Variants in PTPRR observed in about 807,000 individuals in gnomAD.
PTPRR encodes the protein receptor-type tyrosine-protein phosphatase R.
Under a neutral mutation model 77.2 loss-of-function variants are expected in PTPRR, and 38 were observed. That is an observed-to-expected ratio of 0.49 (90% CI 0.38 to 0.65). The LOEUF is 0.65. PTPRR is among the 30% of genes least tolerant of loss of function. The pLI is 0.00. For missense variants in PTPRR, 744 were observed against 799.2 expected, an observed-to-expected ratio of 0.93 and a Z score of 0.83; for synonymous variants, 299 against 283.1, an observed-to-expected ratio of 1.06 and a Z score of -0.57.
At chr12:70,812,671 C>T (rs11178436) in intron 2 of PTPRR, among the ~76,000 whole-genome samples, 24,799 of 152,142 alleles carry the variant, frequency 0.16, 2,765 homozygotes, top group African/African-American at 0.31. Flanking sequence ...GTGAACTCCG[C>T]TGGTAGCTTG....
chr12:70,691,726 G>A (rs576904003), intron 8 of PTPRR, among the ~76,000 whole-genome samples: 128 of 152,280 alleles, frequency 8.4e-4, no homozygotes, highest in South Asian at 2.9e-3. Context: ...CTGTGCATTT[G>A]AATGTTAGCA....
Position 70,701,180 on chromosome 12 carries a change from C to G in PTPRR, c.1151G>C (p.Arg384Thr). ...ASRILTRSQL[R>T]DVVASSHLLQ... ...TAAATGTGAACTTGCCACGACGTCCCTCAGCTGAGACCTTGTGAGAATTCG... is the reference window on the plus strand; with the variant it reads ...TAAATGTGAACTTGCCACGACGTCCGTCAGCTGAGACCTTGTGAGAATTCG... The change falls in exon 7 of 14, where the codon AGG becomes ACG. Residue 384 changes from arginine (R) to threonine (T), a missense_variant. Transcript: ENST00000283228. 6.2e-7 allele frequency: 1 copy of G among 1,613,938 alleles called. No individual in the cohort carries two copies. The highest frequency in any genetic ancestry group is 1.1e-5 in the South Asian group (1 of 91,076).
At chr12:70,883,598 A>G (rs531440863) in intron 2 of PTPRR, among the ~76,000 whole-genome samples, 120 of 152,282 alleles carry the variant, frequency 7.9e-4, no homozygotes, top group Non-Finnish European at 1.3e-3. Context: ...CAAGGACTAT[A>G]CTAAGTTAAA....
In PTPRR at chr12:70,892,909, T is replaced by G. The variant is rs776610066; in HGVS notation, c.127A>C (p.Ile43Leu). The part of the protein sequence containing the change: ...NQKKSGKPVF[I>L]YKHSQDIEKS... Reference sequence around the variant, plus strand: ...TCAATGTCTTGTGAATGCTTATAAATGAATACCGGCTTCCCACTCTTCTTC... The same window carrying G: ...TCAATGTCTTGTGAATGCTTATAAAGGAATACCGGCTTCCCACTCTTCTTC... The change falls in exon 2 of 14, where the codon ATT becomes CTT. Residue 43 changes from isoleucine to leucine, a missense_variant. Physicochemically the swap from Ile to Leu is conservative, Grantham distance 5. Coordinates refer to ENST00000283228, the MANE Select transcript of PTPRR (RefSeq NM_002849.4). The G allele has an allele frequency of 5.0e-6, 8 of 1,613,568 alleles. No homozygotes were observed. The South Asian group carries it at 8.8e-5, about 18-fold the overall frequency.
intron 2 of PTPRR, among the ~76,000 whole-genome samples, chr12:70,828,626 T>G (rs576339728): frequency 1.8e-4 from 27 of 152,340 alleles, no homozygotes; most frequent in South Asian, 4.1e-4. Flanking sequence ...TTTCTCAGTA[T>G]GTAGTACTTT....
intron 2 of PTPRR, among the ~76,000 whole-genome samples, chr12:70,875,607 G>A (rs542249907): frequency 7.3e-5 from 11 of 150,306 alleles, no homozygotes; most frequent in African/African-American, 1.2e-4. Flanking sequence ...AGTTAAATCC[G>A]CCTTGTAAGA....
chr12:70,688,402 T>G (rs950758598), intron 8 of PTPRR, among the ~76,000 whole-genome samples: 4 of 152,120 alleles, frequency 2.6e-5, no homozygotes, highest in Non-Finnish European at 4.4e-5. Context: ...GAATAGACAT[T>G]TCTAAAAACA....
At chr12:70,825,862 G>A (rs1837711687) in intron 2 of PTPRR, among the ~76,000 whole-genome samples, 1 of 152,206 alleles carries the variant, frequency 6.6e-6, no homozygotes, top group Non-Finnish European at 1.5e-5. Context: ...AACAACGTAA[G>A]GCAAAGTGGC....
At chr12:70,772,276 A>G (rs1479320790) in intron 2 of PTPRR, among the ~76,000 whole-genome samples, 1 of 152,138 alleles carries the variant, frequency 6.6e-6, no homozygotes, top group Admixed American at 6.6e-5. Flanking sequence ...AGCTAGGCAT[A>G]CTTCTGAGTA....
chr12:70,647,614 T>C (rs989121764), intron 13 of PTPRR, among the ~76,000 whole-genome samples: 21 of 152,238 alleles, frequency 1.4e-4, no homozygotes, highest in African/African-American at 4.6e-4. Context: ...TTTATAGCAA[T>C]TGGTATTTTT....
intron 4 of PTPRR, among the ~76,000 whole-genome samples, chr12:70,760,049 G>A (rs1890657936): frequency 6.6e-6 from 1 of 152,166 alleles, no homozygotes; most frequent in Admixed American, 6.5e-5. Context: ...AAGACCAGTT[G>A]GGGGTGGTTG....
intron 6 of PTPRR, among the ~76,000 whole-genome samples, chr12:70,737,486 A>ATATATATC (rs1555171433): frequency 6.9e-6 from 1 of 144,140 alleles, no homozygotes; most frequent in African/African-American, 2.6e-5. Flanking sequence ...TATTTAATGA[A>ATATATATC]TATCTATCTA....
At chr12:70,837,092 G>A (rs1326664727) in intron 2 of PTPRR, among the ~76,000 whole-genome samples, 6 of 151,720 alleles carry the variant, frequency 4.0e-5, no homozygotes, top group African/African-American at 1.5e-4. Flanking sequence ...AATACAATTG[G>A]GAACAAAAGG....
At chr12:70,682,251 G>A (rs1887702038) in intron 10 of PTPRR, among the ~76,000 whole-genome samples, 1 of 151,364 alleles carries the variant, frequency 6.6e-6, no homozygotes, top group Admixed American at 6.6e-5. Context: ...CACCGTGTTA[G>A]CCAGGATGGT....
intron 10 of PTPRR, among the ~76,000 whole-genome samples, chr12:70,665,592 G>C (rs144740807): frequency 6.6e-6 from 1 of 151,460 alleles, no homozygotes; most frequent in Non-Finnish European, 1.5e-5. Flanking sequence ...ATGTTGGCCA[G>C]ACTGGTCTTG....
chr12:70,861,727 T>G (rs765489070), intron 2 of PTPRR, among the ~76,000 whole-genome samples: 7 of 152,080 alleles, frequency 4.6e-5, no homozygotes, highest in Non-Finnish European at 1.0e-4. Context: ...CATACCAAAT[T>G]ACAGTCATCT....
chr12:70,775,501 AT>A (rs2136990554), intron 2 of PTPRR, among the ~76,000 whole-genome samples: 1 of 152,326 alleles, frequency 6.6e-6, no homozygotes, highest in South Asian at 2.1e-4. Flanking sequence ...GTAAAGGATA[AT>A]TGAATTATTT....
At chr12:70,888,995 A>G (rs1309381619) in intron 2 of PTPRR, among the ~76,000 whole-genome samples, 3 of 152,182 alleles carry the variant, frequency 2.0e-5, no homozygotes, top group Non-Finnish European at 2.9e-5. Flanking sequence ...ACTTTCTCCT[A>G]TGTCAGGAGA....
chr12:70,669,408 A>G (rs1292315581), intron 10 of PTPRR, among the ~76,000 whole-genome samples: 3 of 151,814 alleles, frequency 2.0e-5, no homozygotes, highest in Non-Finnish European at 4.4e-5. Flanking sequence ...CTGCTGGAAC[A>G]CTTAAATATA....
Sources: allele counts gnomAD v4.1 joint callset (sites outside exome capture counted in the v4.1 genomes callset), GRCh38; gene constraint gnomAD v4.1.1; transcripts MANE v1.5; gene names NCBI Gene and HGNC (gene_info 2026-07-23, HGNC 2026-07-21).